Variants in HTR1F observed in about 807,000 individuals in gnomAD.
HTR1F encodes the protein 5-hydroxytryptamine (serotonin) receptor 1F, G protein-coupled.
A neutral mutation model predicts 24.0 loss-of-function variants in HTR1F; 17 were observed. The ratio of observed to expected loss-of-function variants is 0.71; its 90% CI spans 0.48 to 1.06. HTR1F has a LOEUF of 1.06. Among genes scored for constraint, HTR1F ranks in the 50% least tolerant of loss-of-function variants. The pLI, the probability that HTR1F is intolerant of heterozygous loss-of-function variation, is 0.00. For missense variants in HTR1F, 391 were observed against 427.8 expected (o/e 0.91, Z 0.76); for synonymous variants, 186 against 156.8 (o/e 1.19, Z -1.39).
chr3:87,993,214 GTACAT>G lies in HTR1F; in HGVS notation c.*1370_*1374del, dbSNP rs1415803009. The G allele has an allele frequency of 7.2e-5, 12 of 166,748 alleles. No individual in the cohort carries two copies. The highest frequency in any genetic ancestry group is 2.9e-4 in the African/African-American group (12 of 41,412). 10.3% of individuals were successfully genotyped at this position (166,748 alleles called of 1,614,324 possible). A position where few individuals can be genotyped will look rare whatever the true frequency, so the allele number is the denominator to read the frequency against. On this transcript the variant is annotated 3_prime_UTR_variant, in exon 3 of 3. Transcript: ENST00000319595. ...TTCCTTCCTGATGGTGTGGTTAAGA[GTACAT>G]TACATCAATTTTATGTATATATAGA... is the stretch of plus-strand genomic sequence containing the variant.
chr3:87,942,751 T>TA (rs1553680481), intron 2 of HTR1F, among the ~76,000 whole-genome samples: 1 of 151,432 alleles, frequency 6.6e-6, no homozygotes, highest in Non-Finnish European at 1.5e-5. Flanking sequence ...TTTTTTTTTT[T>TA]ATCCTGTTTG....
chr3:87,922,605 T>G (rs1704034182), intron 2 of HTR1F, among the ~76,000 whole-genome samples: 1 of 152,044 alleles, frequency 6.6e-6, no homozygotes, highest in African/African-American at 2.4e-5. Flanking sequence ...CCCAGGCCAA[T>G]GTCCTGCAGC....
chr3:87,852,779 ATCTAT>A (rs1010690018), intron 2 of HTR1F, among the ~76,000 whole-genome samples: 3 of 151,890 alleles, frequency 2.0e-5, no homozygotes, highest in South Asian at 2.1e-4. Flanking sequence ...ATTCTTAGAC[ATCTAT>A]TCTTCCGTGA....
intron 2 of HTR1F, among the ~76,000 whole-genome samples, chr3:87,888,674 C>A (rs562107651): frequency 6.6e-6 from 1 of 152,216 alleles, no homozygotes; most frequent in Non-Finnish European, 1.5e-5. Context: ...TAAGCATAAG[C>A]TCTGCAATCT....
At chr3:87,975,297 A>G (rs991086606) in intron 2 of HTR1F, among the ~76,000 whole-genome samples, 4 of 152,166 alleles carry the variant, frequency 2.6e-5, no homozygotes, top group South Asian at 2.1e-4. Context: ...TCAAAAAAAA[A>G]TCCAAATCTT....
chr3:87,841,622 G>A (rs1175277682), intron 2 of HTR1F, among the ~76,000 whole-genome samples: 1 of 151,770 alleles, frequency 6.6e-6, no homozygotes, highest in Non-Finnish European at 1.5e-5. Context: ...ACATAGGGCT[G>A]GGTGCGGTGG....
At chr3:87,817,688 G>A (rs1241556411) in intron 1 of HTR1F, among the ~76,000 whole-genome samples, 2 of 152,152 alleles carry the variant, frequency 1.3e-5, no homozygotes, top group Non-Finnish European at 2.9e-5. Flanking sequence ...CTTTATTGCT[G>A]TTGTGAGCAA....
At chr3:87,943,573 G>A (rs1246057068) in intron 2 of HTR1F, among the ~76,000 whole-genome samples, 2 of 151,684 alleles carry the variant, frequency 1.3e-5, no homozygotes, top group Non-Finnish European at 2.9e-5. Context: ...CTTATTAGTT[G>A]GGGAAGGAGT....
intron 2 of HTR1F, among the ~76,000 whole-genome samples, chr3:87,832,388 C>T (rs1704600228): frequency 7.0e-6 from 1 of 143,208 alleles, no homozygotes; most frequent in Non-Finnish European, 1.5e-5. Flanking sequence ...AGTGCAGTGG[C>T]GCGATCTCGG....
chr3:87,840,499 G>A (rs942162986), intron 2 of HTR1F, among the ~76,000 whole-genome samples: 17 of 152,002 alleles, frequency 1.1e-4, no homozygotes, highest in African/African-American at 4.1e-4. Context: ...CAGGGATGGT[G>A]GTATTGTAAA....
At chr3:87,818,193 A>G (rs772782738) in intron 1 of HTR1F, among the ~76,000 whole-genome samples, 5 of 152,186 alleles carry the variant, frequency 3.3e-5, no homozygotes, top group Non-Finnish European at 7.3e-5. Flanking sequence ...TGTGCTAAAT[A>G]CATCCATATA....
At chr3:87,806,454 A>C (rs1250236787) in intron 1 of HTR1F, among the ~76,000 whole-genome samples, 1 of 151,852 alleles carries the variant, frequency 6.6e-6, no homozygotes, top group Non-Finnish European at 1.5e-5. Context: ...ACAATAACTC[A>C]CTGTGGTTAT....
chr3:87,906,341 G>T (rs1184961387), intron 2 of HTR1F, among the ~76,000 whole-genome samples: 1 of 151,960 alleles, frequency 6.6e-6, no homozygotes, highest in Non-Finnish European at 1.5e-5. Context: ...GAAATAATAT[G>T]ACTGAACAAG....
chr3:87,930,217 G>C (rs1704228262), intron 2 of HTR1F, among the ~76,000 whole-genome samples: 1 of 152,108 alleles, frequency 6.6e-6, no homozygotes, highest in Non-Finnish European at 1.5e-5. Context: ...ATATAGAATA[G>C]TGTCATCTGC....
chr3:87,955,249 C>CT (rs2107469188), intron 2 of HTR1F, among the ~76,000 whole-genome samples: 1 of 151,544 alleles, frequency 6.6e-6, no homozygotes, highest in East Asian at 1.9e-4. Context: ...CATTCATCTG[C>CT]TTTTTCGCAC....
intron 2 of HTR1F, among the ~76,000 whole-genome samples, chr3:87,874,400 C>T (rs1183661492): frequency 1.3e-5 from 2 of 152,078 alleles, no homozygotes; most frequent in African/African-American, 4.8e-5. Context: ...CATAGCATCA[C>T]AAAGAATAAA....
chr3:87,872,297 A>G (rs1015741083), intron 2 of HTR1F, among the ~76,000 whole-genome samples: 8 of 152,122 alleles, frequency 5.3e-5, no homozygotes, highest in African/African-American at 1.9e-4. Context: ...ACCTACATTA[A>G]ATAAAAAGAA....
At chr3:87,973,022 T>G (rs1427007170) in intron 2 of HTR1F, among the ~76,000 whole-genome samples, 4 of 150,698 alleles carry the variant, frequency 2.7e-5, no homozygotes, top group East Asian at 3.9e-4. Context: ...AAAAAAAAAT[T>G]TAGCCAGGCA....
intron 2 of HTR1F, among the ~76,000 whole-genome samples, chr3:87,938,585 A>C (rs1453099993): frequency 6.6e-6 from 1 of 152,192 alleles, no homozygotes; most frequent in African/African-American, 2.4e-5. Context: ...TGGTACAAAA[A>C]CTGACACATA....
Sources: gnomAD v4.1 joint callset for allele counts (sites outside exome capture counted in the v4.1 genomes callset) on GRCh38, gnomAD v4.1.1 for gene constraint, MANE v1.5 for transcripts, NCBI Gene and HGNC (gene_info 2026-07-23, HGNC 2026-07-21) for gene names.